Variants in ADGRD1 observed in about 807,000 individuals in gnomAD.
The protein encoded by ADGRD1 is adhesion G protein-coupled receptor D1, also known as G-protein coupled receptor 133.
ADGRD1 carries 77 observed loss-of-function variants against 113.4 expected under a neutral mutation model. That is an observed-to-expected ratio of 0.68 (90% CI 0.57 to 0.82). The LOEUF is 0.82. Among genes scored for constraint, ADGRD1 ranks in the 40% least tolerant of loss-of-function variants. The probability of loss-of-function intolerance (pLI) is 0.00; values close to 1 mark genes in which losing one functional copy is unlikely to be tolerated. For synonymous variants in ADGRD1, 474 were observed against 475.0 expected, an observed-to-expected ratio of 1.00 and a Z score of 0.03; for missense variants, 1,036 against 1,139.1, an observed-to-expected ratio of 0.91 and a Z score of 1.30.
At chr12:131,090,074 G>T (rs748830234) in intron 15 of ADGRD1, among the ~76,000 whole-genome samples, 3 of 152,316 alleles carry the variant, frequency 2.0e-5, no homozygotes, top group South Asian at 4.2e-4. Flanking sequence ...AAAAACCTGG[G>T]ACAGAGACGA....
In ADGRD1 at chr12:131,032,777, C is replaced by T. The variant is rs7304900; in HGVS notation, c.1473+18437C>T. The stretch of plus-strand genomic sequence containing the variant: ...CAGAGGTGACGCTTATTAGAGAAAT[C>T]GCCACCCCGTCACAGAGGTGACGCT... On this transcript the variant is annotated intron_variant, in intron 13 of 24. Transcript: ENST00000261654. Among the ~76,000 whole-genome samples, 341 of 110,534 alleles carry T rather than the reference C, an allele frequency of 3.1e-3. 4 individuals carry two copies. Among genetic ancestry groups the T allele is most frequent in the African/African-American group, 0.014 (310 of 22,000 alleles). 72.5% of individuals were successfully genotyped at this position (110,534 alleles called of 152,430 possible).
At chr12:131,134,664 G>A (rs1342220220) in intron 21 of ADGRD1, among the ~76,000 whole-genome samples, 4 of 152,222 alleles carry the variant, frequency 2.6e-5, no homozygotes, top group East Asian at 3.9e-4. Context: ...TACAGGCACC[G>A]GTTGCCCGGA....
chr12:131,125,360 T>C (rs537136173), intron 20 of ADGRD1, among the ~76,000 whole-genome samples: 5 of 152,258 alleles, frequency 3.3e-5, no homozygotes, highest in Non-Finnish European at 7.4e-5. Flanking sequence ...AAATGGCTTG[T>C]TCTGTGCTGG....
intron 13 of ADGRD1, among the ~76,000 whole-genome samples, chr12:131,055,485 G>A (rs1055053605): frequency 1.3e-5 from 2 of 152,158 alleles, no homozygotes; most frequent in African/African-American, 2.4e-5. Flanking sequence ...CCATTAACAC[G>A]TTAAATAATA....
chr12:131,062,818 TAAA>T (rs922081745), intron 13 of ADGRD1, among the ~76,000 whole-genome samples: 1 of 151,812 alleles, frequency 6.6e-6, no homozygotes, highest in Non-Finnish European at 1.5e-5. Flanking sequence ...TATTTAATAT[TAAA>T]AAAAAATCTT....
chr12:131,036,088 C>A (rs897580301), intron 13 of ADGRD1, among the ~76,000 whole-genome samples: 1 of 152,130 alleles, frequency 6.6e-6, no homozygotes, highest in African/African-American at 2.4e-5. Flanking sequence ...TGTTCCTGGC[C>A]CCTTTATATC....
At chr12:131,135,825 C>T (rs535057466) in intron 21 of ADGRD1, among the ~76,000 whole-genome samples, 1 of 152,336 alleles carries the variant, frequency 6.6e-6, no homozygotes, top group Admixed American at 6.5e-5. Flanking sequence ...CTCTCTCCCA[C>T]CCACCAGCTG....
intron 13 of ADGRD1, among the ~76,000 whole-genome samples, chr12:131,033,941 G>C (rs991127515): frequency 1.3e-5 from 2 of 152,078 alleles, no homozygotes; most frequent in African/African-American, 4.8e-5. Flanking sequence ...AGTCCTCCCC[G>C]GGGGATGCCG....
intron 13 of ADGRD1, among the ~76,000 whole-genome samples, chr12:131,059,018 C>T (rs1469620963): frequency 3.3e-5 from 5 of 152,176 alleles, no homozygotes; most frequent in Non-Finnish European, 5.9e-5. Flanking sequence ...TGTTGTCCCA[C>T]GGGTCCTCAA....
intron 5 of ADGRD1, 21 bp from the exon 6 acceptor site, chr12:130,987,074 G>A (rs761439331): frequency 6.2e-7 from 1 of 1,611,606 alleles, no homozygotes; most frequent in Non-Finnish European, 8.5e-7. Flanking sequence ...ACTCAGAATG[G>A]CGATCTTCAC....
intron 5 of ADGRD1, among the ~76,000 whole-genome samples, chr12:130,983,900 T>G (rs1873314366): frequency 6.6e-6 from 1 of 152,126 alleles, no homozygotes; most frequent in Non-Finnish European, 1.5e-5. Flanking sequence ...AGGGAACCTT[T>G]GTGGGGGAAT....
At position 131,050,566 on chromosome 12, in the gene ADGRD1, G is replaced by A. The variant is rs1467332869; in HGVS notation, c.1474-26235G>A. ...GCTACAGTCATGGCAGAAGGTGGAG[G>A]GAACCAGGCACGTCTTACATGGGCA... On this transcript the variant is annotated intron_variant, in intron 13 of 24. Coordinates refer to ENST00000261654, the MANE Select transcript of ADGRD1 (RefSeq NM_198827.5). The surrounding 1 kb of genome is among the most constrained non-coding windows in gnomAD (Gnocchi z 4.8). Among the ~76,000 whole-genome samples, 3 of 152,086 alleles carry A rather than the reference G, an allele frequency of 2.0e-5. No homozygotes were observed. The highest frequency in any genetic ancestry group is 4.2e-4 in the South Asian group (2 of 4,814).
chr12:130,958,782 A>G (rs1014370509), intron 2 of ADGRD1, among the ~76,000 whole-genome samples: 2 of 146,996 alleles, frequency 1.4e-5, no homozygotes, highest in African/African-American at 4.9e-5. Context: ...CTTAACACGT[A>G]GCATTTCATT....
chr12:130,979,515 C>CA (rs1202771211), intron 4 of ADGRD1, among the ~76,000 whole-genome samples: 1 of 152,184 alleles, frequency 6.6e-6, no homozygotes, highest in East Asian at 1.9e-4. Context: ...ACACGAATGA[C>CA]AAATGTCTTC....
intron 20 of ADGRD1, among the ~76,000 whole-genome samples, chr12:131,126,861 G>A (rs778852972): frequency 6.6e-6 from 1 of 152,136 alleles, no homozygotes; most frequent in Non-Finnish European, 1.5e-5. Context: ...ATTTGTAGTC[G>A]AGTGTGGGTG....
intron 9 of ADGRD1, among the ~76,000 whole-genome samples, chr12:131,000,819 C>A (rs1876294581): frequency 6.6e-6 from 1 of 151,632 alleles, no homozygotes; most frequent in Non-Finnish European, 1.5e-5. Flanking sequence ...CCTCGGGAAC[C>A]ATTTTGTCTT....
intron 13 of ADGRD1, among the ~76,000 whole-genome samples, chr12:131,037,282 CTGGGT>C (rs1881589270): frequency 2.0e-5 from 3 of 148,972 alleles, no homozygotes; most frequent in Non-Finnish European, 4.4e-5. Context: ...AGTCACTGCA[CTGGGT>C]CTCACTCACT....
chr12:131,013,507 T>G (rs1362009897), intron 12 of ADGRD1, among the ~76,000 whole-genome samples: 2 of 152,158 alleles, frequency 1.3e-5, no homozygotes. Flanking sequence ...TCCTCAGATT[T>G]GACTGGATTG....
chr12:131,028,114 T>A (rs911498861), intron 13 of ADGRD1: 1 of 152,244 alleles, frequency 6.6e-6, no homozygotes, highest in Non-Finnish European at 1.5e-5. Context: ...AGAAGCCCAG[T>A]GTCCAGCATT....
Sources: allele counts gnomAD v4.1 joint callset (sites outside exome capture counted in the v4.1 genomes callset), GRCh38; gene constraint gnomAD v4.1.1; non-coding constraint Gnocchi (gnomAD v3.1); transcripts MANE v1.5; gene names NCBI Gene and HGNC (gene_info 2026-07-23, HGNC 2026-07-21).